Variants in MPPED2 observed in about 807,000 individuals in gnomAD.
The protein encoded by MPPED2 is metallophosphoesterase MPPED2.
MPPED2 carries 5 observed loss-of-function variants against 33.0 expected under a neutral mutation model. The observed-to-expected ratio is 0.15, with a 90% CI of 0.08 to 0.32. The LOEUF is 0.32. MPPED2 is among the 10% of genes least tolerant of loss of function. The probability of loss-of-function intolerance (pLI) is 1.00; values close to 1 mark genes in which losing one functional copy is unlikely to be tolerated. For synonymous variants in MPPED2, 136 were observed against 141.9 expected (o/e 0.96, Z 0.29); for missense variants, 275 against 372.1 (o/e 0.74, Z 2.15).
At chr11:30,467,207 G>T (rs1033556350) in intron 4 of MPPED2, among the ~76,000 whole-genome samples, 1 of 152,168 alleles carries the variant, frequency 6.6e-6, no homozygotes, top group South Asian at 2.1e-4. Context: ...TATGGGAGGA[G>T]AGCCAGGTGA....
At chr11:30,581,319 A>T (rs1389763423) in intron 1 of MPPED2, among the ~76,000 whole-genome samples, 3 of 152,212 alleles carry the variant, frequency 2.0e-5, no homozygotes, top group Admixed American at 6.5e-5. Context: ...TTCATTTTTT[A>T]AAATTTCCAT....
At chr11:30,505,874 A>G (rs1281860676) in intron 3 of MPPED2, among the ~76,000 whole-genome samples, 1 of 152,198 alleles carries the variant, frequency 6.6e-6, no homozygotes, top group African/African-American at 2.4e-5. Context: ...TGTTAAACTC[A>G]GACTCCAAAC....
At chr11:30,391,984 C>T (rs951990315) in intron 6 of MPPED2, among the ~76,000 whole-genome samples, 27 of 152,154 alleles carry the variant, frequency 1.8e-4, no homozygotes, top group Non-Finnish European at 3.8e-4. Context: ...GTTTCCTCAT[C>T]TGCAATGGTA....
intron 4 of MPPED2, 189 bp downstream of exon 4, chr11:30,495,107 G>C (rs993545451): frequency 3.4e-6 from 2 of 595,842 alleles, no homozygotes; most frequent in Admixed American, 6.1e-5. Context: ...TTGCCTAAAG[G>C]GATCTCTATC....
At chr11:30,442,994 G>GA (rs910273562) in intron 4 of MPPED2, among the ~76,000 whole-genome samples, 8 of 150,558 alleles carry the variant, frequency 5.3e-5, no homozygotes, top group African/African-American at 1.2e-4. Context: ...CTGTCTCAAG[G>GA]AAAAAAAAAT....
At chr11:30,497,522 T>C (rs1029703995) in intron 3 of MPPED2, among the ~76,000 whole-genome samples, 5 of 152,210 alleles carry the variant, frequency 3.3e-5, no homozygotes, top group African/African-American at 1.2e-4. Context: ...CAGTTCCCCT[T>C]TAATCATTCA....
chr11:30,581,360 A>G (rs1160209320), intron 1 of MPPED2, among the ~76,000 whole-genome samples: 2 of 152,170 alleles, frequency 1.3e-5, no homozygotes, highest in African/African-American at 4.8e-5. Context: ...ATGTCAATAT[A>G]TTATTTGCTG....
chr11:30,448,770 G>A (rs1020092426), intron 4 of MPPED2, among the ~76,000 whole-genome samples: 1 of 151,910 alleles, frequency 6.6e-6, no homozygotes, highest in Admixed American at 6.6e-5. Context: ...CGCCTCCCGG[G>A]TTCAAGTGAT....
At chr11:30,478,315 T>C (rs550415955) in intron 4 of MPPED2, among the ~76,000 whole-genome samples, 7 of 152,188 alleles carry the variant, frequency 4.6e-5, no homozygotes, top group African/African-American at 1.7e-4. Context: ...AACCAATAAC[T>C]ATATATTGTT....
intron 4 of MPPED2, among the ~76,000 whole-genome samples, chr11:30,430,541 A>G (rs1336789121): frequency 1.3e-5 from 2 of 152,322 alleles, no homozygotes; most frequent in East Asian, 3.9e-4. Flanking sequence ...AAATGCTGTC[A>G]CAGGCCATAT....
chr11:30,392,735 A>C (rs1167049098), intron 6 of MPPED2, among the ~76,000 whole-genome samples: 1 of 152,200 alleles, frequency 6.6e-6, no homozygotes. Context: ...AGTAATGGAT[A>C]GACAGATGGG....
At chr11:30,418,518 A>C (rs142264042) in intron 4 of MPPED2, among the ~76,000 whole-genome samples, 1 of 152,250 alleles carries the variant, frequency 6.6e-6, no homozygotes, top group African/African-American at 2.4e-5. Flanking sequence ...CATTAGAACT[A>C]AGTAGTTCCC....
intron 4 of MPPED2, among the ~76,000 whole-genome samples, chr11:30,430,323 A>G (rs1357396801): frequency 2.0e-5 from 3 of 152,200 alleles, no homozygotes; most frequent in Non-Finnish European, 4.4e-5. Context: ...AACACACATC[A>G]TATTTTGGAT....
intron 3 of MPPED2, among the ~76,000 whole-genome samples, chr11:30,528,340 C>T (rs1954320846): frequency 6.6e-6 from 1 of 152,212 alleles, no homozygotes; most frequent in Non-Finnish European, 1.5e-5. Context: ...ACTGCAACCT[C>T]TGCCTCCCGG....
intron 2 of MPPED2, among the ~76,000 whole-genome samples, chr11:30,536,605 G>A (rs1420680275): frequency 1.3e-5 from 2 of 152,060 alleles, no homozygotes; most frequent in African/African-American, 2.4e-5. Context: ...CATAACTTAA[G>A]CAATGAACTA....
intron 4 of MPPED2, among the ~76,000 whole-genome samples, chr11:30,492,338 G>A (rs541160069): frequency 6.6e-6 from 1 of 152,272 alleles, no homozygotes; most frequent in East Asian, 1.9e-4. Flanking sequence ...AATGGAGGAA[G>A]TTTGTTGCTG....
At chr11:30,566,277 T>A (rs889204348) in intron 2 of MPPED2, among the ~76,000 whole-genome samples, 3 of 152,148 alleles carry the variant, frequency 2.0e-5, no homozygotes, top group African/African-American at 7.2e-5. Context: ...GTTAAAACAA[T>A]ATACTTTCCG....
intron 4 of MPPED2, among the ~76,000 whole-genome samples, chr11:30,421,474 G>GA (rs36010780): frequency 0.023 from 3,298 of 141,480 alleles, 38 homozygotes; most frequent in Non-Finnish European, 0.024. Flanking sequence ...TATATTCCAG[G>GA]AAAAAAAAAA....
In MPPED2 at chr11:30,465,924, G is replaced by A. The variant is rs75520345; in HGVS notation, c.536+29372C>T. Among the ~76,000 whole-genome samples the A allele has an allele frequency of 9.0e-3, 1,375 of 152,302 alleles. 34 individuals carry two copies. Among genetic ancestry groups the A allele is most frequent in the African/African-American group, 0.029 (1,204 of 41,568 alleles). ...ACATATACTGAGGGATGACTGTATA[G>A]GGCTTCAGTGTCTTTGAAAGCTACA... On this transcript the variant is annotated intron_variant, in intron 4 of 6. Coordinates refer to ENST00000358117, the MANE Select transcript of MPPED2 (RefSeq NM_001584.3).
Sources: allele counts gnomAD v4.1 joint callset (sites outside exome capture counted in the v4.1 genomes callset), GRCh38; gene constraint gnomAD v4.1.1; transcripts MANE v1.5; gene names NCBI Gene and HGNC (gene_info 2026-07-23, HGNC 2026-07-21).